The following CCDC178 variants were observed in gnomAD, a reference collection of about 807,000 sequenced individuals.
CCDC178 encodes coiled-coil domain containing 178, also known as coiled-coil domain-containing protein 178.
A neutral mutation model predicts 117.4 loss-of-function variants in CCDC178; 126 were observed. That is an observed-to-expected ratio of 1.07 (90% confidence interval 0.93 to 1.24). The LOEUF is 1.24. Among genes scored for constraint, CCDC178 ranks in the 50% most tolerant of loss-of-function variants. CCDC178 has a pLI of 0.00. For missense variants in CCDC178, 1,030 were observed against 986.9 expected (o/e 1.04, Z -0.59); for synonymous variants, 283 against 313.4 (o/e 0.90, Z 1.02).
chr18:32,962,342 A>T (rs2054721264), intron 22 of CCDC178, among the ~76,000 whole-genome samples: 1 of 152,080 alleles, frequency 6.6e-6, no homozygotes, highest in Admixed American at 6.6e-5. Context: ...TATTTCTCAT[A>T]GCTATTCTTC....
At chr18:33,296,822 T>TG (rs1414933361) in intron 11 of CCDC178, among the ~76,000 whole-genome samples, 1 of 151,698 alleles carries the variant, frequency 6.6e-6, no homozygotes, top group Non-Finnish European at 1.5e-5. Context: ...AGGTCAGGAG[T>TG]TTGAGACAAG....
intron 20 of CCDC178, among the ~76,000 whole-genome samples, chr18:33,160,789 G>A (rs978416130): frequency 4.6e-5 from 7 of 152,058 alleles, no homozygotes; most frequent in Non-Finnish European, 8.8e-5. Flanking sequence ...TCATGGTCTT[G>A]GAGACTTGAA....
intron 21 of CCDC178, among the ~76,000 whole-genome samples, chr18:33,070,618 G>A (rs904803970): frequency 1.3e-5 from 2 of 151,910 alleles, no homozygotes; most frequent in Non-Finnish European, 2.9e-5. Context: ...GAGTGACCAC[G>A]GTGAACCAAT....
intron 15 of CCDC178, among the ~76,000 whole-genome samples, chr18:33,240,867 C>A (rs2059478947): frequency 6.6e-6 from 1 of 151,782 alleles, no homozygotes; most frequent in South Asian, 2.1e-4. Flanking sequence ...GCCAGCATAA[C>A]CTCAATATCA....
chr18:33,257,163 G>A (rs752363557), intron 14 of CCDC178, among the ~76,000 whole-genome samples: 1 of 151,924 alleles, frequency 6.6e-6, no homozygotes, highest in Non-Finnish European at 1.5e-5. Flanking sequence ...GACTATTTGA[G>A]CTGAGCAGGA....
intron 10 of CCDC178, chr18:33,328,101 T>TGAGACAGAGTC (rs775701579): frequency 2.2e-5 from 4 of 182,646 alleles, no homozygotes; most frequent in African/African-American, 1.1e-4. Context: ...TTTTTTTTTT[T>TGAGACAGAGTC]TTTTTTTTTT....
At chr18:33,307,545 A>G (rs991325638) in intron 11 of CCDC178, among the ~76,000 whole-genome samples, 1 of 152,090 alleles carries the variant, frequency 6.6e-6, no homozygotes. Flanking sequence ...AGAACACAAA[A>G]CCCTATTTTC....
At chr18:33,251,542 C>T (rs1400125400) in intron 14 of CCDC178, among the ~76,000 whole-genome samples, 1 of 151,712 alleles carries the variant, frequency 6.6e-6, no homozygotes, top group Non-Finnish European at 1.5e-5. Flanking sequence ...ATGAGGGCCT[C>T]TAATTGGCCC....
At chr18:33,004,305 C>T (rs1222405129) in intron 21 of CCDC178, among the ~76,000 whole-genome samples, 1 of 151,962 alleles carries the variant, frequency 6.6e-6, no homozygotes, top group Non-Finnish European at 1.5e-5. Context: ...ACCAATAGAA[C>T]AGAATAGAGA....
At chr18:33,024,737 G>A (rs1437228217) in intron 21 of CCDC178, among the ~76,000 whole-genome samples, 6 of 151,412 alleles carry the variant, frequency 4.0e-5, no homozygotes, top group Non-Finnish European at 7.4e-5. Context: ...TCCACCTCCC[G>A]GGTTCACGCC....
At chr18:33,123,571 A>T (rs981833223) in intron 20 of CCDC178, among the ~76,000 whole-genome samples, 2 of 152,178 alleles carry the variant, frequency 1.3e-5, no homozygotes, top group African/African-American at 4.8e-5. Flanking sequence ...TTTTGTAAAA[A>T]ATGACATAAA....
intron 2 of CCDC178, among the ~76,000 whole-genome samples, chr18:33,438,462 A>T (rs964813655): frequency 3.3e-5 from 5 of 152,050 alleles, no homozygotes; most frequent in African/African-American, 9.7e-5. Context: ...CTATTTCAGC[A>T]GCATTATAAA....
At chr18:33,077,677 T>C (rs1221451915) in intron 21 of CCDC178, among the ~76,000 whole-genome samples, 5 of 152,056 alleles carry the variant, frequency 3.3e-5, no homozygotes, top group Non-Finnish European at 7.4e-5. Flanking sequence ...CTAGAAAACC[T>C]AGGAGAGATG....
At chr18:32,969,526 T>C (rs897068222) in intron 22 of CCDC178, among the ~76,000 whole-genome samples, 9 of 152,070 alleles carry the variant, frequency 5.9e-5, no homozygotes, top group South Asian at 2.1e-4. Flanking sequence ...CAACAAACTA[T>C]ATATACCAAC....
rs149241888 is a variant in CCDC178, at chr18:33,310,584, G to A, written c.1022+12907C>T. 1.9e-3 allele frequency among the ~76,000 whole-genome samples: 293 copies of A among 152,160 alleles called. 1 individual carries two copies. The highest frequency in any genetic ancestry group is 6.7e-3 in the African/African-American group (278 of 41,516). Reference sequence around the variant, plus strand: ...GCCTGTAATCCCAGCTATTCAAGGGGCTAGGGAGGGAGAATTGCTTGAGCC... The same window carrying A: ...GCCTGTAATCCCAGCTATTCAAGGGACTAGGGAGGGAGAATTGCTTGAGCC... On this transcript the variant is annotated intron_variant, in intron 11 of 22. Transcript: ENST00000383096.
At position 32,992,042 on chromosome 18, in the gene CCDC178, T is replaced by C. The variant is rs547943994; in HGVS notation, c.2389-17361A>G. On this transcript the variant is annotated intron_variant, in intron 21 of 22. Transcript: ENST00000383096. ...GGTACATAAGCTGTAAGTCAACATG[T>C]AGAAACTTGGTCATAGTCCTTGGAA... is the stretch of plus-strand genomic sequence containing the variant. 2.1e-4 allele frequency among the ~76,000 whole-genome samples: 32 copies of C among 152,336 alleles called. 2 individuals are homozygous for C. The South Asian group carries it at 6.6e-3, about 32-fold the overall frequency.
At chr18:33,147,356 A>ATTTTTTTTTTTTTTTTTTTTT (rs575608507) in intron 20 of CCDC178, among the ~76,000 whole-genome samples, 2 of 94,636 alleles carry the variant, frequency 2.1e-5, no homozygotes, top group Non-Finnish European at 4.2e-5. Context: ...TGCCTTTTTA[A>ATTTTTTTTTTTTTTTTTTTTT]TTTTTTTTTT....
At chr18:33,139,934 C>T (rs747682361) in intron 20 of CCDC178, among the ~76,000 whole-genome samples, 11 of 152,078 alleles carry the variant, frequency 7.2e-5, no homozygotes, top group African/African-American at 4.8e-5. Context: ...GGGCCAGGCT[C>T]AGGGTTCCCA....
intron 20 of CCDC178, among the ~76,000 whole-genome samples, chr18:33,143,000 C>T (rs2058225760): frequency 6.6e-6 from 1 of 152,022 alleles, no homozygotes; most frequent in South Asian, 2.1e-4. Flanking sequence ...ATAAGTTATT[C>T]TCCTTATTAA....
Sources: allele counts gnomAD v4.1 joint callset (sites outside exome capture counted in the v4.1 genomes callset), GRCh38; gene constraint gnomAD v4.1.1; transcripts MANE v1.5; gene names NCBI Gene and HGNC (gene_info 2026-07-23, HGNC 2026-07-21).